CACNA1E: variants seen among roughly 807,000 people sequenced by gnomAD.
CACNA1E encodes the protein voltage-dependent R-type calcium channel subunit alpha-1E.
Under a neutral mutation model 259.2 loss-of-function variants are expected in CACNA1E, and 40 were observed. The ratio of observed to expected loss-of-function variants is 0.15; its 90% CI spans 0.12 to 0.20. The LOEUF is 0.20. CACNA1E is among the 10% of genes least tolerant of loss of function. The pLI, the probability that CACNA1E is intolerant of heterozygous loss-of-function variation, is 1.00. For missense variants in CACNA1E, 1,874 were observed against 3,040.1 expected, an observed-to-expected ratio of 0.62 and a Z score of 9.02; for synonymous variants, 1,104 against 1,138.5, an observed-to-expected ratio of 0.97 and a Z score of 0.61.
chr1:181,440,791 G>A (rs1300289918), intron 2 of CACNA1E, among the ~76,000 whole-genome samples: 1 of 151,756 alleles, frequency 6.6e-6, no homozygotes, highest in East Asian at 1.9e-4. Flanking sequence ...ACACCAGCCT[G>A]GGCAACCTTG....
chr1:181,495,117 AC>A (rs1664637764), intron 1 of CACNA1E, among the ~76,000 whole-genome samples: 1 of 152,196 alleles, frequency 6.6e-6, no homozygotes, highest in Non-Finnish European at 1.5e-5. Flanking sequence ...AGAGACTCAG[AC>A]AATATTTTAT....
Position 181,604,891 on chromosome 1 carries a change from C to A in CACNA1E, c.951+24115C>A, listed in dbSNP as rs573427692. ...TGAATCTTTTATCCCTTTCTAAGTC[C>A]AATTTGTAGGACATGGGGAAGACAG... On this transcript the variant is annotated intron_variant, in intron 6 of 47. Coordinates refer to ENST00000367573, the MANE Select transcript of CACNA1E (RefSeq NM_001205293.3). 5.3e-5 allele frequency among the ~76,000 whole-genome samples: 8 copies of A among 152,220 alleles called. No homozygotes were observed. In the South Asian group the frequency reaches 1.7e-3, roughly 32 times the overall value.
At chr1:181,464,331 C>T (rs1375016040) in intron 2 of CACNA1E, among the ~76,000 whole-genome samples, 3 of 121,264 alleles carry the variant, frequency 2.5e-5, no homozygotes, top group East Asian at 4.0e-4. Flanking sequence ...TAAGCTACTT[C>T]GTTTTTTGTT....
intron 1 of CACNA1E, among the ~76,000 whole-genome samples, chr1:181,410,549 GGC>G (rs1657772475): frequency 6.6e-6 from 1 of 152,158 alleles, no homozygotes; most frequent in Non-Finnish European, 1.5e-5. Flanking sequence ...GCTCCCATCA[GGC>G]TTTATCATGT....
intron 32 of CACNA1E, among the ~76,000 whole-genome samples, chr1:181,761,121 CTTTGTAA>C (rs1376468631): frequency 6.6e-6 from 1 of 152,154 alleles, no homozygotes; most frequent in Non-Finnish European, 1.5e-5. Flanking sequence ...GTACATGTGG[CTTTGTAA>C]TAAGGCCTCT....
At chr1:181,769,543 T>C (rs1197560948) in intron 35 of CACNA1E, among the ~76,000 whole-genome samples, 1 of 151,898 alleles carries the variant, frequency 6.6e-6, no homozygotes, top group Non-Finnish European at 1.5e-5. Flanking sequence ...CACAAAGTGC[T>C]GGGATTACAG....
intron 1 of CACNA1E, among the ~76,000 whole-genome samples, chr1:181,508,908 C>A (rs1365829183): frequency 6.6e-6 from 1 of 152,030 alleles, no homozygotes; most frequent in Non-Finnish European, 1.5e-5. Context: ...GCTCTGAAGT[C>A]CCCTGAGGCC....
At chr1:181,720,449 C>T (rs769263659) in intron 14 of CACNA1E, 112 bp downstream of exon 14, 37 of 1,222,774 alleles carry the variant, frequency 3.0e-5, no homozygotes, top group Non-Finnish European at 3.9e-5. Flanking sequence ...TGCCTTTGCC[C>T]ATGGCCTGAA....
chr1:181,520,897 C>T (rs1666951482), intron 3 of CACNA1E, among the ~76,000 whole-genome samples: 1 of 152,166 alleles, frequency 6.6e-6, no homozygotes, highest in South Asian at 2.1e-4. Flanking sequence ...CATACACAGG[C>T]CAGAGGGGTC....
chr1:181,783,125 C>A (rs1660565882), intron 39 of CACNA1E, among the ~76,000 whole-genome samples: 1 of 152,166 alleles, frequency 6.6e-6, no homozygotes, highest in Non-Finnish European at 1.5e-5. Context: ...TGGACTTATG[C>A]ATGTTCAATC....
At chr1:181,537,362 G>C (rs1335231482) in intron 3 of CACNA1E, among the ~76,000 whole-genome samples, 1 of 152,040 alleles carries the variant, frequency 6.6e-6, no homozygotes, top group Non-Finnish European at 1.5e-5. Context: ...GCCTCCCAAA[G>C]TGCTGGGATT....
At chr1:181,577,598 T>C (rs2102967573) in intron 3 of CACNA1E, among the ~76,000 whole-genome samples, 168 bp from the exon 4 acceptor site, 1 of 152,328 alleles carries the variant, frequency 6.6e-6, no homozygotes, top group South Asian at 2.1e-4. Context: ...TAAATTTAAT[T>C]CCACTTGGAG....
At chr1:181,494,413 G>A (rs1402423606) in intron 1 of CACNA1E, among the ~76,000 whole-genome samples, 8 of 151,420 alleles carry the variant, frequency 5.3e-5, no homozygotes, top group Admixed American at 2.0e-4. Flanking sequence ...TGATGACAGA[G>A]TTAGTTTTCT....
intron 1 of CACNA1E, among the ~76,000 whole-genome samples, chr1:181,327,039 T>C (rs554536744): frequency 6.6e-6 from 1 of 152,324 alleles, no homozygotes; most frequent in South Asian, 2.1e-4. Flanking sequence ...TGCTTACCTC[T>C]GACACTGTGC....
At chr1:181,659,760 C>A (rs570921512) in intron 7 of CACNA1E, among the ~76,000 whole-genome samples, 2 of 152,178 alleles carry the variant, frequency 1.3e-5, no homozygotes, top group Non-Finnish European at 2.9e-5. Context: ...TGACTCCATG[C>A]AGTATGTGGA....
intron 7 of CACNA1E, among the ~76,000 whole-genome samples, chr1:181,693,382 C>G (rs1409918187): frequency 6.6e-6 from 1 of 151,962 alleles, no homozygotes; most frequent in Non-Finnish European, 1.5e-5. Context: ...CTATTTACAA[C>G]AGCAAAGACA....
intron 1 of CACNA1E, among the ~76,000 whole-genome samples, chr1:181,487,989 C>A (rs765634324): frequency 3.3e-5 from 5 of 152,220 alleles, no homozygotes; most frequent in African/African-American, 7.2e-5. Flanking sequence ...TGAAGCTCAT[C>A]ACAATGAACC....
intron 1 of CACNA1E, among the ~76,000 whole-genome samples, chr1:181,377,085 G>T (rs1001129716): frequency 1.3e-5 from 2 of 152,164 alleles, no homozygotes; most frequent in African/African-American, 4.8e-5. Flanking sequence ...GTGCCTTCTA[G>T]GTGCCTAGGT....
intron 7 of CACNA1E, among the ~76,000 whole-genome samples, chr1:181,674,650 C>T (rs1431475650): frequency 6.6e-6 from 1 of 152,158 alleles, no homozygotes; most frequent in Non-Finnish European, 1.5e-5. Context: ...GTTATCTGAC[C>T]TCTTCCTGCG....
Sources: gnomAD v4.1 joint callset for allele counts (sites outside exome capture counted in the v4.1 genomes callset) on GRCh38, gnomAD v4.1.1 for gene constraint, MANE v1.5 for transcripts, NCBI Gene and HGNC (gene_info 2026-07-23, HGNC 2026-07-21) for gene names.